Variants in SOX5 observed in about 807,000 individuals in gnomAD.
SOX5 encodes transcription factor SOX-5.
A neutral mutation model predicts 92.0 loss-of-function variants in SOX5; 9 were observed. The observed-to-expected ratio is 0.10, with a 90% CI of 0.06 to 0.17. The LOEUF is 0.17. SOX5 is among the 10% of genes least tolerant of loss of function. SOX5 has a pLI of 1.00. For missense variants in SOX5, 642 were observed against 944.5 expected, an observed-to-expected ratio of 0.68 and a Z score of 4.20; for synonymous variants, 344 against 336.3, an observed-to-expected ratio of 1.02 and a Z score of -0.25.
At chr12:23,663,311 A>G (rs2083321039) in intron 7 of SOX5, among the ~76,000 whole-genome samples, 1 of 152,222 alleles carries the variant, frequency 6.6e-6, no homozygotes, top group African/African-American at 2.4e-5. Context: ...CACTAAAAGT[A>G]TGAATATTAA....
chr12:24,471,908 C>G (rs1036504050), intron 1 of SOX5, among the ~76,000 whole-genome samples: 1 of 151,292 alleles, frequency 6.6e-6, no homozygotes, highest in Non-Finnish European at 1.5e-5. Context: ...CTAAACCAGA[C>G]AAAACAAAGC....
At chr12:23,743,493 G>T (rs2093874136) in intron 4 of SOX5, among the ~76,000 whole-genome samples, 1 of 151,870 alleles carries the variant, frequency 6.6e-6, no homozygotes, top group African/African-American at 2.4e-5. Flanking sequence ...TATATTTTTA[G>T]TAGAGACGGG....
chr12:23,597,789 G>T (rs138870963), intron 9 of SOX5, among the ~76,000 whole-genome samples: 1 of 152,080 alleles, frequency 6.6e-6, no homozygotes, highest in East Asian at 1.9e-4. Flanking sequence ...GAGAGAAAGA[G>T]GTTTTCAATA....
At chr12:24,286,860 A>G (rs1945928680) in intron 2 of SOX5, among the ~76,000 whole-genome samples, 1 of 152,262 alleles carries the variant, frequency 6.6e-6, no homozygotes, top group Admixed American at 6.5e-5. Context: ...TTACTTATCC[A>G]AGTGATCTTG....
chr12:24,142,239 C>T (rs12425433), intron 4 of SOX5, among the ~76,000 whole-genome samples: 9,464 of 152,094 alleles, frequency 0.062, 827 homozygotes, highest in African/African-American at 0.19. Context: ...AAGCAGCACT[C>T]CCGCTTCTCC....
intron 7 of SOX5, among the ~76,000 whole-genome samples, chr12:23,655,817 A>T (rs2082236058): frequency 1.3e-5 from 2 of 152,274 alleles, no homozygotes; most frequent in South Asian, 4.1e-4. Flanking sequence ...TGTCATTAAC[A>T]TGAATGAATA....
chr12:23,939,962 C>T (rs928011165), intron 1 of SOX5, among the ~76,000 whole-genome samples: 1 of 150,974 alleles, frequency 6.6e-6, no homozygotes, highest in African/African-American at 2.4e-5. Flanking sequence ...TACTTTCCAG[C>T]CCAATGTTTT....
chr12:24,089,159 T>C (rs1454239960), intron 4 of SOX5, among the ~76,000 whole-genome samples: 1 of 152,120 alleles, frequency 6.6e-6, no homozygotes, highest in Non-Finnish European at 1.5e-5. Flanking sequence ...AGTAGGAAGA[T>C]AAGAGAAATA....
chr12:24,062,406 G>A (rs1174706824), intron 4 of SOX5, among the ~76,000 whole-genome samples: 1 of 152,206 alleles, frequency 6.6e-6, no homozygotes, highest in Non-Finnish European at 1.5e-5. Context: ...CAATGTAGTT[G>A]TTTGCCGAAA....
At chr12:23,748,136 T>C (rs567901986) in intron 4 of SOX5, among the ~76,000 whole-genome samples, 4 of 152,184 alleles carry the variant, frequency 2.6e-5, no homozygotes, top group Admixed American at 1.3e-4. Flanking sequence ...ATATTCTTAT[T>C]GATATAGTTA....
intron 1 of SOX5, among the ~76,000 whole-genome samples, chr12:24,419,197 C>T (rs555416597): frequency 1.3e-5 from 2 of 152,256 alleles, no homozygotes; most frequent in Non-Finnish European, 2.9e-5. Context: ...GGCACCATCT[C>T]AGCTCACTGC....
intron 1 of SOX5, among the ~76,000 whole-genome samples, chr12:23,948,283 A>G (rs1944951243): frequency 1.3e-5 from 2 of 151,632 alleles, no homozygotes; most frequent in South Asian, 2.1e-4. Context: ...TGTGTTGGCT[A>G]TTTTACTTTC....
At chr12:23,601,935 T>C (rs2074553247) in intron 9 of SOX5, among the ~76,000 whole-genome samples, 1 of 152,170 alleles carries the variant, frequency 6.6e-6, no homozygotes, top group Non-Finnish European at 1.5e-5. Context: ...AGAAAGGGCA[T>C]ATTTTTATTA....
chr12:24,239,037 T>G (rs1459746827), intron 3 of SOX5, among the ~76,000 whole-genome samples: 1 of 152,200 alleles, frequency 6.6e-6, no homozygotes, highest in Non-Finnish European at 1.5e-5. Flanking sequence ...ATATATTAAC[T>G]ACAATAGAAA....
chr12:24,284,713 C>T (rs576964833), intron 2 of SOX5, among the ~76,000 whole-genome samples: 1 of 152,162 alleles, frequency 6.6e-6, no homozygotes, highest in African/African-American at 2.4e-5. Flanking sequence ...CATCTATTCC[C>T]TTTGTCTCTC....
intron 7 of SOX5, among the ~76,000 whole-genome samples, chr12:23,658,480 A>C (rs1263550153): frequency 6.6e-6 from 1 of 152,240 alleles, no homozygotes; most frequent in Non-Finnish European, 1.5e-5. Flanking sequence ...ATTCTTTACA[A>C]ATATAAACAT....
chr12:24,160,666 T>TA (rs1209875099), intron 4 of SOX5, among the ~76,000 whole-genome samples: 1 of 152,060 alleles, frequency 6.6e-6, no homozygotes, highest in Non-Finnish European at 1.5e-5. Flanking sequence ...AGGTTGGATA[T>TA]AAGTGACACT....
At chr12:23,779,621 T>C (rs9645740) in intron 3 of SOX5, among the ~76,000 whole-genome samples, 17,398 of 151,104 alleles carry the variant, frequency 0.12, 1,152 homozygotes, top group East Asian at 0.21. Flanking sequence ...AAATTGTTCA[T>C]GGTTTGACCT....
At chr12:23,699,576 G>T (rs994272666) in intron 6 of SOX5, among the ~76,000 whole-genome samples, 2 of 151,810 alleles carry the variant, frequency 1.3e-5, no homozygotes, top group African/African-American at 4.8e-5. Flanking sequence ...ATTTTATATT[G>T]TCTATATGAT....
Sources: allele counts gnomAD v4.1 joint callset (sites outside exome capture counted in the v4.1 genomes callset), GRCh38; gene constraint gnomAD v4.1.1; transcripts MANE v1.5; gene names NCBI Gene and HGNC (gene_info 2026-07-23, HGNC 2026-07-21).